The following TRHDE variants were observed in gnomAD, a reference collection of about 807,000 sequenced individuals.
TRHDE encodes the protein thyrotropin releasing hormone degrading enzyme.
Under a neutral mutation model 125.7 loss-of-function variants are expected in TRHDE, and 72 were observed. The ratio of observed to expected loss-of-function variants is 0.57; its 90% confidence interval spans 0.47 to 0.70. The LOEUF (loss-of-function observed/expected upper bound fraction) is 0.70, where lower values mean the gene tolerates loss of function less well. Ranked by LOEUF, TRHDE falls within the 30% of genes least tolerant of loss-of-function variation. The pLI, the probability that TRHDE is intolerant of heterozygous loss-of-function variation, is 0.00. For missense variants in TRHDE, 1,110 were observed against 1,327.1 expected, an observed-to-expected ratio of 0.84 and a Z score of 2.54; for synonymous variants, 509 against 509.1, an observed-to-expected ratio of 1.00 and a Z score of 0.00.
At chr12:72,622,936 G>A (rs1021693137) in intron 15 of TRHDE, among the ~76,000 whole-genome samples, 4 of 151,832 alleles carry the variant, frequency 2.6e-5, no homozygotes, top group Non-Finnish European at 4.4e-5. Context: ...TCTACCAATT[G>A]ATCTATCATA....
chr12:72,250,492 A>C (rs1241654484), intron 2 of TRHDE, among the ~76,000 whole-genome samples: 1 of 152,172 alleles, frequency 6.6e-6, no homozygotes, highest in African/African-American at 2.4e-5. Flanking sequence ...GAATAGGCTG[A>C]AAGATCTTTC....
intron 3 of TRHDE, among the ~76,000 whole-genome samples, chr12:72,448,835 C>CTTT (rs77626321): frequency 6.9e-6 from 1 of 144,750 alleles, no homozygotes; most frequent in Non-Finnish European, 1.5e-5. Context: ...TTTATTTTTA[C>CTTT]TTTTTTTTTT....
At chr12:72,434,432 A>G (rs1174416992) in intron 3 of TRHDE, among the ~76,000 whole-genome samples, 2 of 151,758 alleles carry the variant, frequency 1.3e-5, no homozygotes, top group African/African-American at 2.4e-5. Context: ...TCTTTGACCA[A>G]CTTCCAAATA....
chr12:72,579,421 A>G (rs1035988077), intron 12 of TRHDE, among the ~76,000 whole-genome samples: 4 of 152,144 alleles, frequency 2.6e-5, no homozygotes, highest in African/African-American at 9.7e-5. Flanking sequence ...AATTATCACC[A>G]AATTAAAAAC....
intron 7 of TRHDE, among the ~76,000 whole-genome samples, chr12:72,556,288 A>G (rs1420373476): frequency 6.6e-6 from 1 of 152,232 alleles, no homozygotes; most frequent in Non-Finnish European, 1.5e-5. Context: ...AAGCAACAGA[A>G]ACAAATTCTG....
At position 72,103,398 on chromosome 12, in the gene TRHDE, GC is replaced by G. The variant is rs201886888; in HGVS notation, n.175-2247del. On this transcript the variant is annotated intron_variant and non_coding_transcript_variant, in intron 1 of 4. Coordinates refer to the TRHDE transcript ENST00000548156. ...ACTATTAGGAGACAGAGTTAATAAG[GC>G]CCTAACCAGGTCACAGGGAAAGGAG... is the stretch of plus-strand genomic sequence containing the variant. Among the ~76,000 whole-genome samples, 55 of 152,268 alleles carry G rather than the reference GC, an allele frequency of 3.6e-4. No homozygotes were observed. In the East Asian group the frequency reaches 9.4e-3, roughly 26 times the overall value.
chr12:72,555,501 T>C (rs957865404), intron 7 of TRHDE, among the ~76,000 whole-genome samples: 2 of 152,176 alleles, frequency 1.3e-5, no homozygotes, highest in African/African-American at 4.8e-5. Flanking sequence ...CATCTTTGAC[T>C]CTTATCTAAT....
intron 3 of TRHDE, among the ~76,000 whole-genome samples, chr12:72,391,958 T>G (rs925575007): frequency 2.6e-5 from 4 of 152,166 alleles, no homozygotes; most frequent in African/African-American, 9.7e-5. Flanking sequence ...GAGGCTTTAT[T>G]AAGGCCAAAT....
intron 2 of TRHDE, among the ~76,000 whole-genome samples, chr12:72,212,361 A>G: frequency 6.6e-6 from 1 of 152,146 alleles, no homozygotes; most frequent in East Asian, 1.9e-4. Context: ...GGAAAAAAAA[A>G]AGATAAATTG....
intron 12 of TRHDE, among the ~76,000 whole-genome samples, chr12:72,586,740 CAG>C (rs1871455611): frequency 7.0e-6 from 1 of 142,482 alleles, no homozygotes; most frequent in South Asian, 2.2e-4. Context: ...GAGGATTAAA[CAG>C]AAATTCAGTA....
chr12:72,567,980 T>C (rs1051982428), intron 9 of TRHDE, among the ~76,000 whole-genome samples: 1 of 152,090 alleles, frequency 6.6e-6, no homozygotes, highest in South Asian at 2.1e-4. Context: ...AGAAATTCCA[T>C]TTCACAAAAC....
rs1175860100 is a variant in TRHDE at position 72,238,342 on chromosome 12, T to C, written n.279+132590T>C. On this transcript the variant is annotated intron_variant and non_coding_transcript_variant, in intron 2 of 4. Transcript: ENST00000548156. The stretch of plus-strand genomic sequence containing the variant: ...TATATACATATATATATACACATTA[T>C]ATATATATATATATATATATACACA... Among the ~76,000 whole-genome samples the C allele has an allele frequency of 4.0e-5, 2 of 50,616 alleles. 1 individual carries two copies. Among genetic ancestry groups the C allele is most frequent in the Non-Finnish European group, 8.4e-5 (2 of 23,822 alleles). 33.2% of individuals were successfully genotyped at this position (50,616 alleles called of 152,430 possible). A position where few individuals can be genotyped will look rare whatever the true frequency, so the allele number is the denominator to read the frequency against.
rs1874542977 is a variant in TRHDE at position 72,652,440 on chromosome 12, A to G, written c.2794A>G (p.Ile932Val). 6.2e-6 allele frequency: 10 copies of G among 1,608,910 alleles called. No homozygotes were observed. Among genetic ancestry groups the G allele is most frequent in the South Asian group, 1.1e-5 (1 of 90,610 alleles). Residue 932 changes from isoleucine (I) to valine (V), a missense_variant, in exon 16 of 19, where the codon ATA (isoleucine) becomes GTA (valine). Physicochemically the swap from Ile to Val is conservative, Grantham distance 29 (BLOSUM62 3). Coordinates refer to ENST00000261180, the MANE Select transcript of TRHDE (RefSeq NM_013381.3). ...CACCACAGCAGTTTCTGAGAAGAAA[A>G]TATTATTGGAAGCCTTAACTTGCAG... ...HSTTAVSEKK[I>V]LLEALTCSDD...
intron 2 of TRHDE, among the ~76,000 whole-genome samples, chr12:72,149,511 C>A (rs1876307517): frequency 6.6e-6 from 1 of 152,024 alleles, no homozygotes; most frequent in Non-Finnish European, 1.5e-5. Flanking sequence ...ATCTAAGTCA[C>A]CCAGCTTGGC....
At chr12:72,597,551 C>G (rs1359009901) in intron 12 of TRHDE, among the ~76,000 whole-genome samples, 1 of 150,174 alleles carries the variant, frequency 6.7e-6, no homozygotes, top group Non-Finnish European at 1.5e-5. Context: ...GCCTGTAATC[C>G]CAGCTATTCT....
In TRHDE at chr12:72,169,547, C is replaced by G. The variant is rs984292133; in HGVS notation, n.279+63795C>G. 1.1e-4 allele frequency among the ~76,000 whole-genome samples: 16 copies of G among 151,990 alleles called. No individual in the cohort carries two copies. The East Asian group carries it at 2.9e-3, about 28-fold the overall frequency. On this transcript the variant is annotated intron_variant and non_coding_transcript_variant, in intron 2 of 4. Transcript: ENST00000548156. ...AGAGAAAGAGATCTCTGTGTCTCTT[C>G]CTCTTCTTATAAAGGTGCAAATACT...
At chr12:72,413,416 GA>G (rs1565732126) in intron 3 of TRHDE, among the ~76,000 whole-genome samples, 1 of 150,846 alleles carries the variant, frequency 6.6e-6, no homozygotes, top group Non-Finnish European at 1.5e-5. Flanking sequence ...GATTCAGTAT[GA>G]AAAAAGAATA....
chr12:72,423,283 C>T (rs1475456051), intron 3 of TRHDE, among the ~76,000 whole-genome samples: 1 of 152,136 alleles, frequency 6.6e-6, no homozygotes, highest in Admixed American at 6.6e-5. Flanking sequence ...TTTTCAACTA[C>T]AATATTTTCA....
chr12:72,165,018 A>T (rs557243578), intron 2 of TRHDE, among the ~76,000 whole-genome samples: 57 of 152,218 alleles, frequency 3.7e-4, no homozygotes, highest in Non-Finnish European at 6.2e-4. Flanking sequence ...TGGTTTATTG[A>T]TCTTGGGGCC....
Sources: gnomAD v4.1 joint callset for allele counts (sites outside exome capture counted in the v4.1 genomes callset) on GRCh38, gnomAD v4.1.1 for gene constraint, MANE v1.5 for transcripts, NCBI Gene and HGNC (gene_info 2026-07-23, HGNC 2026-07-21) for gene names.